The following PGAP6 variants were observed in gnomAD, a reference collection of about 807,000 sequenced individuals.
PGAP6 encodes post-GPI attachment to proteins factor 6.
A neutral mutation model predicts 68.4 loss-of-function variants in PGAP6; 62 were observed. The ratio of observed to expected loss-of-function variants is 0.91; its 90% CI spans 0.74 to 1.12. PGAP6 has a LOEUF of 1.12. Among genes scored for constraint, PGAP6 ranks in the 50% most tolerant of loss-of-function variants. PGAP6 has a pLI of 0.00. For missense variants in PGAP6, 1,188 were observed against 1,068.5 expected, an observed-to-expected ratio of 1.11 and a Z score of -1.56; for synonymous variants, 575 against 474.0, an observed-to-expected ratio of 1.21 and a Z score of -2.77.
At chr16:386,642 CATT>C (rs772313961), upstream of PGAP6, 3 of 341,982 alleles carry the variant, frequency 8.8e-6, no homozygotes, top group Non-Finnish European at 1.6e-5. Flanking sequence ...AACTATCATG[CATT>C]ATTATTCTTT....
In PGAP6 at chr16:374,734, C is replaced by A. The variant is rs202153690; in HGVS notation, c.1576+22G>T. The A allele has an allele frequency of 7.4e-6, 12 of 1,611,382 alleles. No individual in the cohort carries two copies. The South Asian group carries it at 1.3e-4, about 18-fold the overall frequency. On this transcript the variant is annotated intron_variant, in intron 9 of 12. Coordinates refer to ENST00000431232, the MANE Select transcript of PGAP6 (RefSeq NM_021259.3). ...AGCCAACAGCAGCAGCGTCTCGGGG[C>A]GGGCGGGGCCCTGGCACTCACCTGC...
chr16:378,332 G>T (rs796514784), intron 1 of PGAP6, among the ~76,000 whole-genome samples: 415 of 27,682 alleles, frequency 0.015, 1 homozygote, highest in Middle Eastern at 0.023. Context: ...ATCGCCACCC[G>T]CACTGCCATC....
rs775501948 is a variant in PGAP6 at position 376,722 on chromosome 16, G to A, written c.726C>T (p.Thr242=). The change falls in exon 5 of 13, where the codon ACC becomes ACT. Residue 242 remains threonine (T), a synonymous_variant. Transcript: ENST00000431232. Reference sequence around the variant, plus strand: ...TGCTAGGCAGGGTGACCGGGCCCACGGTGAGACGCACGGGGCAGCCCAGGC... The same window carrying A: ...TGCTAGGCAGGGTGACCGGGCCCACAGTGAGACGCACGGGGCAGCCCAGGC... ...NGSLGCPVRL[T]VGPVTLPSNF... The A allele has an allele frequency of 1.9e-5, 31 of 1,611,646 alleles. No individual in the cohort carries two copies. Among genetic ancestry groups the A allele is most frequent in the East Asian group, 1.3e-4 (6 of 44,886 alleles).
chr16:383,516 C>T (rs1452353115), upstream of PGAP6: 1 of 151,176 alleles, frequency 6.6e-6, no homozygotes, highest in East Asian at 1.9e-4. Context: ...GTGGGACATT[C>T]AAATCATTCA....
Position 375,773 on chromosome 16 carries a change from A to G in PGAP6, c.1225-338T>C, listed in dbSNP as rs1338325879. 2.6e-5 allele frequency among the ~76,000 whole-genome samples: 4 copies of G among 150,958 alleles called. No individual in the cohort carries two copies. In the South Asian group the frequency reaches 6.3e-4, roughly 24 times the overall value. The stretch of plus-strand genomic sequence containing the variant: ...TCCCAATCTCCTGACCTCGTGATCC[A>G]CCCTCCTCGGCCTCCCAAAGTGCTG... On this transcript the variant is annotated intron_variant, in intron 6 of 12. Coordinates refer to ENST00000431232, the MANE Select transcript of PGAP6 (RefSeq NM_021259.3).
At chr16:386,614 TG>T (rs1567329201), upstream of PGAP6, 1 of 336,304 alleles carries the variant, frequency 3.0e-6, no homozygotes, top group African/African-American at 2.2e-5. Flanking sequence ...CCCAGAGTTT[TG>T]GGGCTTTTTT....
At chr16:372,321 G>A in intron 12 of PGAP6, 38 bp from the exon 13 acceptor site, 1 of 1,574,084 alleles carries the variant, frequency 6.4e-7, no homozygotes, top group Non-Finnish European at 8.6e-7. Flanking sequence ...GTGCAGGTGG[G>A]GCCGCGGCTG....
chr16:373,905 C>T lies in PGAP6; in HGVS notation c.1902+100G>A, dbSNP rs902589702. 3 of 1,399,474 alleles carry T rather than the reference C, an allele frequency of 2.1e-6. No homozygotes were observed. In the African/African-American group the frequency reaches 4.3e-5, roughly 20 times the overall value. The allele number at this position is 1,399,474 out of a possible 1,614,324, so 86.7% of individuals were successfully genotyped here. On this transcript the variant is annotated intron_variant, in intron 11 of 12. Coordinates refer to ENST00000431232, the MANE Select transcript of PGAP6 (RefSeq NM_021259.3). ...ATGTGAGGTTTCCAGGGGCCGTGCC[C>T]AACGCCAGGTCCGGCCTCTCCCACG... is the stretch of plus-strand genomic sequence containing the variant.
chr16:379,485 A>T (rs2054420624), intron 1 of PGAP6, among the ~76,000 whole-genome samples: 1 of 152,190 alleles, frequency 6.6e-6, no homozygotes, highest in Non-Finnish European at 1.5e-5. Context: ...GTGGCCTGAT[A>T]ATGTGGGCAG....
At chr16:381,524 C>G (rs900810554) in intron 1 of PGAP6, among the ~76,000 whole-genome samples, 177 bp downstream of exon 1, 72 of 152,094 alleles carry the variant, frequency 4.7e-4, no homozygotes, top group Non-Finnish European at 9.4e-4. Flanking sequence ...CCGTCCGCCT[C>G]GACCCCTAGG....
Position 377,770 on chromosome 16 carries a change from A to G in PGAP6, c.200T>C (p.Leu67Pro). ...SFYSWYGSAR[L>P]FRFRVPPDAV... Reference sequence around the variant, plus strand: ...ATCTGGGGGCACGCGGAAGCGGAAGAGCCTGGCACTGCCGTACCAGCTGTA... The same window carrying G: ...ATCTGGGGGCACGCGGAAGCGGAAGGGCCTGGCACTGCCGTACCAGCTGTA... The change falls in exon 2 of 13, where the codon CTC becomes CCC. Residue 67 changes from leucine (L) to proline (P), a missense_variant. By Grantham distance (98) the Leu-to-Pro change is moderately conservative (BLOSUM62 -3). Transcript: ENST00000431232. 1.9e-6 allele frequency: 3 copies of G among 1,589,568 alleles called. No individual in the cohort carries two copies. Among genetic ancestry groups the G allele is most frequent in the Non-Finnish European group, 2.6e-6 (3 of 1,168,806 alleles).
intron 11 of PGAP6, 27 bp from the exon 12 acceptor site, chr16:372,754 G>A: frequency 6.4e-7 from 1 of 1,554,178 alleles, no homozygotes; most frequent in Non-Finnish European, 8.8e-7. Flanking sequence ...GATGACTGCA[G>A]GGACGTCTCT....
At position 371,865 on chromosome 16, in the gene PGAP6, G is replaced by A. The variant is rs968767237; in HGVS notation, c.*122C>T. The A allele has an allele frequency of 7.3e-6, 8 of 1,103,384 alleles. No homozygotes were observed. Among genetic ancestry groups the A allele is most frequent in the Admixed American group, 2.4e-5 (1 of 41,320 alleles). 68.3% of individuals were successfully genotyped at this position (1,103,384 alleles called of 1,614,324 possible). A position where few individuals can be genotyped will look rare whatever the true frequency, so the allele number is the denominator to read the frequency against. Reference sequence around the variant, plus strand: ...TCTCCTCAGTAGGAGGAAGTAAGAGGGTATCTAGGCCAATTTATTCAGCTG... The same window carrying A: ...TCTCCTCAGTAGGAGGAAGTAAGAGAGTATCTAGGCCAATTTATTCAGCTG... On this transcript the variant is annotated 3_prime_UTR_variant, in exon 13 of 13. Coordinates refer to ENST00000431232, the MANE Select transcript of PGAP6 (RefSeq NM_021259.3).
In PGAP6 at chr16:376,749, C is replaced by T. The variant is rs758874977; in HGVS notation, c.699G>A (p.Gly233=). 2 of 1,611,434 alleles carry T rather than the reference C, an allele frequency of 1.2e-6. No individual in the cohort carries two copies. The highest frequency in any genetic ancestry group is 2.2e-5 in the South Asian group (2 of 91,048). The change falls in exon 5 of 13, where the codon GGG becomes GGA. Residue 233 remains glycine, a synonymous_variant. Transcript: ENST00000431232. The part of the protein sequence containing the change: ...LLELRDCVSN[G]SLGCPVRLTV... Reference sequence around the variant, plus strand: ...TGAGACGCACGGGGCAGCCCAGGCTCCCATTGGACACGCAGTCCCGCAGCT... The same window carrying T: ...TGAGACGCACGGGGCAGCCCAGGCTTCCATTGGACACGCAGTCCCGCAGCT...
chr16:374,825 C>T lies in PGAP6; in HGVS notation c.1507G>A (p.Gly503Arg). ...AGCAGGAGGCACTGGCCATAGGGTC[C>T]ACAATCGTTCAAACAGGGCACCAGG... The part of the protein sequence containing the change: ...LYLVPCLNDC[G>R]PYGQCLLLRR... The change falls in exon 9 of 13, where the codon GGA becomes AGA. Residue 503 changes from glycine (G) to arginine (R), a missense_variant. Gly to Arg is a moderately radical substitution (Grantham distance 125). Transcript: ENST00000431232. 6.2e-7 allele frequency: 1 copy of T among 1,613,066 alleles called. No homozygotes were observed. The highest frequency in any genetic ancestry group is 1.6e-4 in the Middle Eastern group (1 of 6,062).
upstream of PGAP6, chr16:384,421 C>A (rs1175322343): frequency 2.0e-5 from 3 of 152,298 alleles, no homozygotes; most frequent in African/African-American, 7.2e-5. Flanking sequence ...ACAGCTCAGT[C>A]AGGCTACTGG....
upstream of PGAP6, among the ~76,000 whole-genome samples, chr16:385,649 G>A (rs1257242703): frequency 1.1e-5 from 1 of 94,428 alleles, no homozygotes; most frequent in Non-Finnish European, 2.0e-5. Context: ...TTTTGAGATG[G>A]AATCTCGCTC....
chr16:385,771 C>T (rs529626579), upstream of PGAP6, among the ~76,000 whole-genome samples: 91 of 151,482 alleles, frequency 6.0e-4, no homozygotes, highest in Non-Finnish European at 1.1e-3. Context: ...ACTACAGGCG[C>T]CTGCCAACAC....
At chr16:381,415 G>A (rs2054436813) in intron 1 of PGAP6, among the ~76,000 whole-genome samples, 2 of 151,768 alleles carry the variant, frequency 1.3e-5, no homozygotes, top group Non-Finnish European at 1.5e-5. Flanking sequence ...CGGGCGCGCC[G>A]GACCTGGGCG....
Sources: allele counts gnomAD v4.1 joint callset (sites outside exome capture counted in the v4.1 genomes callset), GRCh38; gene constraint gnomAD v4.1.1; transcripts MANE v1.5; gene names NCBI Gene and HGNC (gene_info 2026-07-23, HGNC 2026-07-21).